KDM5A: variants seen among roughly 807,000 people sequenced by gnomAD.
The protein encoded by KDM5A is lysine demethylase 5A.
In KDM5A, 42 loss-of-function variants were observed where a neutral mutation model predicts 193.5. The ratio of observed to expected loss-of-function variants is 0.22; its 90% CI spans 0.17 to 0.28. The LOEUF is 0.28. Ranked by LOEUF, KDM5A falls within the 10% of genes least tolerant of loss-of-function variation. KDM5A has a pLI of 1.00. For synonymous variants in KDM5A, 796 were observed against 718.1 expected, an observed-to-expected ratio of 1.11 and a Z score of -1.73; for missense variants, 1,692 against 2,055.1, an observed-to-expected ratio of 0.82 and a Z score of 3.42.
intron 3 of KDM5A, among the ~76,000 whole-genome samples, chr12:366,612 G>A (rs1241624623): frequency 6.6e-6 from 1 of 152,200 alleles, no homozygotes; most frequent in Non-Finnish European, 1.5e-5. Flanking sequence ...AAGGGCAAGA[G>A]TTTTATATGG....
At chr12:296,311 A>G (rs1017891864) in intron 25 of KDM5A, among the ~76,000 whole-genome samples, 1 of 149,318 alleles carries the variant, frequency 6.7e-6, no homozygotes, top group Non-Finnish European at 1.5e-5. Flanking sequence ...AACAAGACAG[A>G]AACTCCATCT....
At chr12:362,434 G>C (rs1944304459) in intron 5 of KDM5A, among the ~76,000 whole-genome samples, 1 of 152,160 alleles carries the variant, frequency 6.6e-6, no homozygotes, top group African/African-American at 2.4e-5. Flanking sequence ...AGTTAAACTG[G>C]AATGGCTCAG....
chr12:302,629 C>T (rs1414354856), intron 24 of KDM5A, among the ~76,000 whole-genome samples: 2 of 151,936 alleles, frequency 1.3e-5, no homozygotes, highest in Non-Finnish European at 2.9e-5. Context: ...TTCATGACTA[C>T]AACAACAAAA....
At chr12:382,785 A>T (rs1264254741) in intron 3 of KDM5A, among the ~76,000 whole-genome samples, 1 of 152,126 alleles carries the variant, frequency 6.6e-6, no homozygotes, top group Non-Finnish European at 1.5e-5. Context: ...ATACAAAATT[A>T]GCCTGGTGTG....
intron 10 of KDM5A, among the ~76,000 whole-genome samples, chr12:349,762 A>G (rs561707666): frequency 1.3e-5 from 2 of 151,780 alleles, no homozygotes; most frequent in African/African-American, 4.8e-5. Context: ...GCTTCAGGCA[A>G]CCTTTCCACC....
intron 21 of KDM5A, among the ~76,000 whole-genome samples, chr12:310,648 A>G (rs2137393724): frequency 6.6e-6 from 1 of 152,072 alleles, no homozygotes; most frequent in African/African-American, 2.4e-5. Context: ...AAACAGAACA[A>G]AACGATTTCA....
At chr12:385,845 G>A in intron 2 of KDM5A, 52 bp downstream of exon 2, 2 of 1,381,374 alleles carry the variant, frequency 1.4e-6, no homozygotes, top group East Asian at 2.3e-5. Context: ...TCTACCTACA[G>A]CCCTAATATA....
At chr12:371,384 T>C (rs1048416817) in intron 3 of KDM5A, among the ~76,000 whole-genome samples, 3 of 152,364 alleles carry the variant, frequency 2.0e-5, no homozygotes, top group Non-Finnish European at 2.9e-5. Flanking sequence ...CATTTTTTCA[T>C]GTGTCTGTTG....
intron 9 of KDM5A, among the ~76,000 whole-genome samples, chr12:351,896 G>A (rs981977414): frequency 1.2e-4 from 18 of 152,030 alleles, no homozygotes; most frequent in African/African-American, 4.1e-4. Flanking sequence ...CTGAGGTCAG[G>A]AGTTCAAGAC....
At chr12:378,330 T>C (rs1297854171) in intron 3 of KDM5A, among the ~76,000 whole-genome samples, 1 of 151,978 alleles carries the variant, frequency 6.6e-6, no homozygotes, top group Non-Finnish European at 1.5e-5. Context: ...CAATCAGAGG[T>C]CACTGTAGCC....
At chr12:376,881 G>A (rs768293346) in intron 3 of KDM5A, among the ~76,000 whole-genome samples, 33 of 152,134 alleles carry the variant, frequency 2.2e-4, no homozygotes, top group Non-Finnish European at 1.9e-4. Flanking sequence ...ACAATATTTT[G>A]AAGATAGTGA....
intron 15 of KDM5A, 24 bp from the exon 16 acceptor site, chr12:323,230 A>AAAAAAAAAAAAAAAAAAAAT: frequency 6.6e-7 from 1 of 1,504,742 alleles, no homozygotes; most frequent in Non-Finnish European, 8.9e-7. Context: ...AAAAAAAAAA[A>AAAAAAAAAAAAAAAAAAAAT]AAAAAAAAAG....
chr12:325,078 C>T (rs1028716445), intron 14 of KDM5A, among the ~76,000 whole-genome samples: 6 of 152,174 alleles, frequency 3.9e-5, no homozygotes, highest in African/African-American at 1.4e-4. Flanking sequence ...TCTGGTCTTT[C>T]ATCATACACT....
At chr12:331,780 G>C (rs756433071) in intron 13 of KDM5A, 39 bp downstream of exon 13, 22 of 1,612,110 alleles carry the variant, frequency 1.4e-5, no homozygotes, top group Non-Finnish European at 1.9e-5. Flanking sequence ...TTATAGGGGG[G>C]TTAGTAGACG....
intron 8 of KDM5A, among the ~76,000 whole-genome samples, 167 bp downstream of exon 8, chr12:353,907 TGA>T (rs1186157094): frequency 2.4e-5 from 3 of 125,742 alleles, no homozygotes; most frequent in African/African-American, 9.4e-5. Context: ...GGCGACAGAG[TGA>T]GACACCATCT....
intron 10 of KDM5A, among the ~76,000 whole-genome samples, chr12:341,080 A>C (rs746829829): frequency 6.6e-6 from 1 of 152,236 alleles, no homozygotes; most frequent in African/African-American, 2.4e-5. Flanking sequence ...ATCTTTAAAA[A>C]TTCTGTGATC....
intron 10 of KDM5A, among the ~76,000 whole-genome samples, chr12:344,968 T>A (rs1380022282): frequency 6.6e-6 from 1 of 152,106 alleles, no homozygotes; most frequent in Non-Finnish European, 1.5e-5. Context: ...AGACATAGAC[T>A]GGCAAATTGG....
chr12:355,372 ATAC>A (rs1169401750), intron 6 of KDM5A, 123 bp from the exon 7 acceptor site: 3 of 691,222 alleles, frequency 4.3e-6, no homozygotes, highest in African/African-American at 3.6e-5. Context: ...AGAGGTAGAT[ATAC>A]TATTTATTAT....
Position 318,379 on chromosome 12 carries a change from T to C in KDM5A, c.2624A>G (p.Gln875Arg), listed in dbSNP as rs759024691. ...ACTAGAGCCCATATCTATCAACATCTGGAGTTTGGAAGAATCTGGGGTTTC... is the reference window on the plus strand; with the variant it reads ...ACTAGAGCCCATATCTATCAACATCCGGAGTTTGGAAGAATCTGGGGTTTC... ...MDETPDSSKL[Q>R]MLIDMGSSLY... The change falls in exon 19 of 28, where the codon CAG (glutamine) becomes CGG (arginine). Residue 875 changes from glutamine (Q) to arginine (R), a missense_variant. Around this residue, in one of 11 missense-constraint regions of KDM5A, gnomAD observed 965 missense variants for 1,061.0 expected, o/e 0.91. Coordinates refer to ENST00000399788, the MANE Select transcript of KDM5A (RefSeq NM_001042603.3). 2.5e-6 allele frequency: 4 copies of C among 1,614,200 alleles called. No individual in the cohort carries two copies. In the Middle Eastern group the frequency reaches 4.9e-4, roughly 200 times the overall value.
Sources: allele counts gnomAD v4.1 joint callset (sites outside exome capture counted in the v4.1 genomes callset), GRCh38; gene constraint gnomAD v4.1.1; regional missense constraint gnomAD v4.1.1; transcripts MANE v1.5; gene names NCBI Gene and HGNC (gene_info 2026-07-23, HGNC 2026-07-21).